FIP1L1: variants seen among roughly 807,000 people sequenced by gnomAD.
FIP1L1 encodes the protein pre-mRNA 3'-end-processing factor FIP1.
Under a neutral mutation model 84.6 loss-of-function variants are expected in FIP1L1, and 21 were observed. That is an observed-to-expected ratio of 0.25 (90% CI 0.18 to 0.36). The LOEUF (loss-of-function observed/expected upper bound fraction) is 0.36. FIP1L1 is among the 10% of genes least tolerant of loss of function. The pLI is 1.00. For synonymous variants in FIP1L1, 263 were observed against 242.3 expected (o/e 1.09, Z -0.80); for missense variants, 526 against 751.1 (o/e 0.70, Z 3.50).
chr4:53,448,595 A>T (rs1050698258), intron 15 of FIP1L1, among the ~76,000 whole-genome samples: 1 of 152,160 alleles, frequency 6.6e-6, no homozygotes, highest in Admixed American at 6.5e-5. Flanking sequence ...CATTTTATAG[A>T]TGAGGAAATC....
intron 5 of FIP1L1, among the ~76,000 whole-genome samples, chr4:53,388,072 A>G (rs1742065512): frequency 6.6e-6 from 1 of 152,258 alleles, no homozygotes; most frequent in African/African-American, 2.4e-5. Context: ...CTGTGGAGCT[A>G]CAGTTATTTG....
rs756291969 is a variant in FIP1L1 at position 53,383,769 on chromosome 4, G to A, written c.229-4G>A. On this transcript the variant is annotated splice_region_variant and splice_polypyrimidine_tract_variant and intron_variant, in intron 4 of 17. Coordinates refer to ENST00000337488, the MANE Select transcript of FIP1L1 (RefSeq NM_030917.4). ...TATTTTATAATTTGTTTATGTTCAT[G>A]TAGAAAGTGACTGAGACCGAAGATG... The A allele has an allele frequency of 6.2e-7, 1 of 1,602,934 alleles. No individual in the cohort carries two copies. Among genetic ancestry groups the A allele is most frequent in the Non-Finnish European group, 8.5e-7 (1 of 1,171,728 alleles).
intron 15 of FIP1L1, among the ~76,000 whole-genome samples, chr4:53,449,627 A>T (rs2150346555): frequency 6.6e-6 from 1 of 152,204 alleles, no homozygotes; most frequent in South Asian, 2.1e-4. Context: ...AGATTATACC[A>T]GCCAGGTGGG....
intron 3 of FIP1L1, among the ~76,000 whole-genome samples, chr4:53,381,789 T>C: frequency 7.8e-6 from 1 of 128,594 alleles, no homozygotes. Context: ...AGACAGCATC[T>C]CACGCTGTCG....
chr4:53,444,207 C>CA, intron 15 of FIP1L1, 104 bp downstream of exon 15: 1 of 743,084 alleles, frequency 1.3e-6, no homozygotes, highest in Non-Finnish European at 2.3e-6. Context: ...TCTTACAGAG[C>CA]AATTAAAAAA....
intron 9 of FIP1L1, among the ~76,000 whole-genome samples, chr4:53,392,467 C>T (rs1744767467): frequency 6.6e-6 from 1 of 152,132 alleles, no homozygotes; most frequent in Non-Finnish European, 1.5e-5. Flanking sequence ...GTATTTGGTT[C>T]TTCTTTTGCA....
intron 10 of FIP1L1, among the ~76,000 whole-genome samples, chr4:53,405,532 C>T (rs1257087247): frequency 6.7e-6 from 1 of 149,574 alleles, no homozygotes; most frequent in African/African-American, 2.5e-5. Flanking sequence ...TAGTTTTTTC[C>T]AATTCTGTGA....
At chr4:53,397,137 G>A (rs1747814994) in intron 9 of FIP1L1, among the ~76,000 whole-genome samples, 1 of 152,194 alleles carries the variant, frequency 6.6e-6, no homozygotes, top group South Asian at 2.1e-4. Context: ...GAATCCTTTT[G>A]AATTCATGTT....
Position 53,390,232 on chromosome 4 carries a change from G to A in FIP1L1, c.398-289G>A, listed in dbSNP as rs77819246. Among the ~76,000 whole-genome samples the A allele has an allele frequency of 9.3e-3, 1,422 of 152,204 alleles. 21 individuals are homozygous for A. The highest frequency in any genetic ancestry group is 0.033 in the African/African-American group (1,359 of 41,532). On this transcript the variant is annotated intron_variant, in intron 6 of 17. Coordinates refer to ENST00000337488, the MANE Select transcript of FIP1L1 (RefSeq NM_030917.4). ...TGGGATTCCATGTGTGAGCCACTGC[G>A]CCCGGCCAAGGTGATAATAGCTCTT...
intron 11 of FIP1L1, among the ~76,000 whole-genome samples, chr4:53,420,227 C>CAAAAAAAA (rs1761777967): frequency 1.2e-5 from 1 of 86,932 alleles, no homozygotes; most frequent in African/African-American, 4.8e-5. Context: ...AAAAAAAAAC[C>CAAAAAAAA]AGCCTGACCA....
intron 10 of FIP1L1, among the ~76,000 whole-genome samples, chr4:53,408,928 C>T (rs981665052): frequency 1.9e-5 from 2 of 105,936 alleles, no homozygotes; most frequent in African/African-American, 5.4e-5. Flanking sequence ...AACTTCTTTG[C>T]CTTTGGTTTG....
chr4:53,388,539 G>A (rs542049478), intron 5 of FIP1L1, among the ~76,000 whole-genome samples: 1 of 152,178 alleles, frequency 6.6e-6, no homozygotes, highest in South Asian at 2.1e-4. Flanking sequence ...GTTTCATGGT[G>A]TTAGCCAGGA....
intron 13 of FIP1L1, chr4:53,441,062 C>G (rs1771679202): frequency 1.3e-5 from 2 of 155,544 alleles, no homozygotes; most frequent in South Asian, 3.9e-4. Context: ...ACTAGACAGA[C>G]AGCTGGTCAG....
chr4:53,402,342 AG>A (rs1170506761), intron 10 of FIP1L1, among the ~76,000 whole-genome samples: 2 of 152,174 alleles, frequency 1.3e-5, no homozygotes, highest in Admixed American at 1.3e-4. Context: ...TGGGGGCCAG[AG>A]AAATGTGACA....
intron 16 of FIP1L1, chr4:53,458,439 TTATTA>T: frequency 2.8e-6 from 1 of 356,834 alleles, no homozygotes; most frequent in Non-Finnish European, 5.0e-6. Flanking sequence ...ACATGTGTAA[TTATTA>T]TATATTTATA....
At chr4:53,447,656 G>A (rs879796715) in intron 15 of FIP1L1, among the ~76,000 whole-genome samples, 13 of 152,096 alleles carry the variant, frequency 8.5e-5, no homozygotes, top group Admixed American at 2.6e-4. Flanking sequence ...CAAATTACAA[G>A]TTGAGTATTC....
intron 5 of FIP1L1, 130 bp from the exon 6 acceptor site, chr4:53,389,679 A>G (rs768154163): frequency 2.9e-6 from 2 of 683,070 alleles, no homozygotes; most frequent in Non-Finnish European, 4.9e-6. Flanking sequence ...ATAAAGATAG[A>G]AATAAAATGT....
At chr4:53,394,403 G>T (rs1328048358) in intron 9 of FIP1L1, among the ~76,000 whole-genome samples, 2 of 152,082 alleles carry the variant, frequency 1.3e-5, no homozygotes, top group Non-Finnish European at 2.9e-5. Context: ...TCACTGGAGG[G>T]CTGTTTTTTC....
intron 11 of FIP1L1, among the ~76,000 whole-genome samples, chr4:53,420,423 C>G (rs1323616002): frequency 1.7e-5 from 2 of 120,920 alleles, no homozygotes; most frequent in East Asian, 2.2e-4. Flanking sequence ...GAGTGAAACT[C>G]CATCTCAAAA....
Sources: gnomAD v4.1 joint callset for allele counts (sites outside exome capture counted in the v4.1 genomes callset) on GRCh38, gnomAD v4.1.1 for gene constraint, MANE v1.5 for transcripts, NCBI Gene and HGNC (gene_info 2026-07-23, HGNC 2026-07-21) for gene names.